METTL16: variants seen among roughly 807,000 people sequenced by gnomAD.
METTL16 encodes the protein methyltransferase 16, RNA N6-adenosine.
Under a neutral mutation model 57.9 loss-of-function variants are expected in METTL16, and 19 were observed. The observed-to-expected ratio is 0.33, with a 90% CI of 0.23 to 0.48. METTL16 has a LOEUF of 0.48. METTL16 is among the 20% of genes least tolerant of loss of function. METTL16 has a pLI of 0.99. For missense variants in METTL16, 434 were observed against 691.5 expected, an observed-to-expected ratio of 0.63 and a Z score of 4.18; for synonymous variants, 246 against 255.6, an observed-to-expected ratio of 0.96 and a Z score of 0.36.
At chr17:2,480,185 C>CAAAAAAAAAA (rs953770502) in intron 2 of METTL16, among the ~76,000 whole-genome samples, 2 of 61,894 alleles carry the variant, frequency 3.2e-5, no homozygotes, top group Non-Finnish European at 3.7e-5. Flanking sequence ...GACTCTGTCT[C>CAAAAAAAAAA]AAAAAAAAAA....
intron 2 of METTL16, among the ~76,000 whole-genome samples, chr17:2,501,264 C>CAAAAAT (rs1391159159): frequency 3.9e-5 from 6 of 152,070 alleles, no homozygotes; most frequent in South Asian, 4.1e-4. Flanking sequence ...CTTGTCTCTA[C>CAAAAAT]AAAAATAAAA....
intron 6 of METTL16, among the ~76,000 whole-genome samples, chr17:2,456,542 A>G (rs1408660681): frequency 6.6e-6 from 1 of 152,166 alleles, no homozygotes; most frequent in East Asian, 1.9e-4. Context: ...TGGTGTGATC[A>G]TGGCTCACTG....
chr17:2,511,871 A>C lies in METTL16; in HGVS notation c.-113T>G, dbSNP rs141812723. ...CTAGAAACGCAGATGATACGCTCCC[A>C]GCGCGCCGCCATCTTGTGAAGCCAT... On this transcript the variant is annotated 5_prime_UTR_variant, in exon 1 of 10. Transcript: ENST00000263092. The C allele has an allele frequency of 2.2e-3, 884 of 398,630 alleles. 3 individuals carry two copies. Among genetic ancestry groups the C allele is most frequent in the Non-Finnish European group, 3.4e-3 (764 of 226,134 alleles). 24.7% of individuals were successfully genotyped at this position (398,630 alleles called of 1,614,324 possible).
At chr17:2,506,450 T>C (rs1044343308) in intron 1 of METTL16, among the ~76,000 whole-genome samples, 8 of 151,654 alleles carry the variant, frequency 5.3e-5, no homozygotes, top group African/African-American at 1.7e-4. Context: ...CACGCCTGAC[T>C]GGTTTTCGTA....
chr17:2,500,222 T>C (rs1274778023), intron 2 of METTL16, among the ~76,000 whole-genome samples: 1 of 152,124 alleles, frequency 6.6e-6, no homozygotes, highest in African/African-American at 2.4e-5. Flanking sequence ...GGGCTTAGAG[T>C]AAAGAAGAGG....
intron 5 of METTL16, among the ~76,000 whole-genome samples, chr17:2,467,286 G>A (rs921928154): frequency 1.3e-5 from 2 of 152,132 alleles, no homozygotes; most frequent in East Asian, 1.9e-4. Context: ...GCTGACGGGC[G>A]GGGGACTGCT....
At chr17:2,474,307 G>A (rs909559554) in intron 3 of METTL16, among the ~76,000 whole-genome samples, 4 of 146,682 alleles carry the variant, frequency 2.7e-5, no homozygotes, top group South Asian at 4.5e-4. Flanking sequence ...GAAAAAATAT[G>A]TAGGGTATAA....
chr17:2,505,132 T>C (rs1476836462), intron 1 of METTL16, among the ~76,000 whole-genome samples: 2 of 152,056 alleles, frequency 1.3e-5, no homozygotes, highest in African/African-American at 2.4e-5. Flanking sequence ...CTCCAGGTAG[T>C]TGGTAATTTA....
intron 2 of METTL16, among the ~76,000 whole-genome samples, chr17:2,484,551 A>G (rs1295409981): frequency 6.6e-6 from 1 of 151,902 alleles, no homozygotes; most frequent in East Asian, 1.9e-4. Context: ...CTGGAGTTCA[A>G]TGGCGCAATA....
At chr17:2,441,229 G>A (rs1165576449) in intron 7 of METTL16, among the ~76,000 whole-genome samples, 2 of 152,264 alleles carry the variant, frequency 1.3e-5, no homozygotes, top group Admixed American at 1.3e-4. Context: ...TTCTAAGTAG[G>A]AGTTAAATAA....
At chr17:2,464,695 A>G (rs1045207690) in intron 5 of METTL16, among the ~76,000 whole-genome samples, 2 of 152,036 alleles carry the variant, frequency 1.3e-5, no homozygotes, top group African/African-American at 4.8e-5. Context: ...TTTTCCTAGC[A>G]TTTTCACGGT....
chr17:2,501,091 T>C (rs987876383), intron 2 of METTL16, among the ~76,000 whole-genome samples: 1 of 152,096 alleles, frequency 6.6e-6, no homozygotes, highest in Non-Finnish European at 1.5e-5. Flanking sequence ...TACTCCACCC[T>C]GGGCAACAGA....
intron 8 of METTL16, among the ~76,000 whole-genome samples, chr17:2,433,138 T>C (rs2066885968): frequency 6.6e-6 from 1 of 152,200 alleles, no homozygotes; most frequent in Non-Finnish European, 1.5e-5. Flanking sequence ...CCAGGTTCTA[T>C]GGGCTGAATG....
In METTL16 at chr17:2,419,263, G is replaced by A; in HGVS notation, c.*707C>T. On this transcript the variant is annotated 3_prime_UTR_variant, in exon 10 of 10. Coordinates refer to ENST00000263092, the MANE Select transcript of METTL16 (RefSeq NM_024086.4). ...AGTAAAACTGCTACAAAATGGTACTGTCAACAGGCTGGAGGTGGGGGTATG... is the reference window on the plus strand; with the variant it reads ...AGTAAAACTGCTACAAAATGGTACTATCAACAGGCTGGAGGTGGGGGTATG... 1 of 174,320 alleles carries A rather than the reference G, an allele frequency of 5.7e-6. No homozygotes were observed. The highest frequency in any genetic ancestry group is 1.6e-4 in the East Asian group (1 of 6,098). The allele number at this position is 174,320 out of a possible 1,614,324, so 10.8% of individuals were successfully genotyped here.
At position 2,419,316 on chromosome 17, in the gene METTL16, C is replaced by G; in HGVS notation, c.*654G>C. ...TGCCTTCTGTGTGCCTCAGTCACAC[C>G]GGGGAGTTTTGCTTACCTAATTCTG... On this transcript the variant is annotated 3_prime_UTR_variant, in exon 10 of 10. Coordinates refer to ENST00000263092, the MANE Select transcript of METTL16 (RefSeq NM_024086.4). 1 of 227,472 alleles carries G rather than the reference C, an allele frequency of 4.4e-6. No individual in the cohort carries two copies. The highest frequency in any genetic ancestry group is 9.0e-6 in the Non-Finnish European group (1 of 111,474). The allele number at this position is 227,472 out of a possible 1,614,324, so 14.1% of individuals were successfully genotyped here.
intron 1 of METTL16, among the ~76,000 whole-genome samples, chr17:2,510,673 T>C (rs1008854277): frequency 6.6e-6 from 1 of 152,108 alleles, no homozygotes; most frequent in Non-Finnish European, 1.5e-5. Flanking sequence ...TCTTTTTTTT[T>C]TCTTCTTGTT....
chr17:2,502,071 G>A lies in METTL16; in HGVS notation c.128+133C>T, dbSNP rs566999136. On this transcript the variant is annotated intron_variant, in intron 2 of 9. Transcript: ENST00000263092. The stretch of plus-strand genomic sequence containing the variant: ...CATTAAAAAGCTGAGACCAAGAGAG[G>A]TTAAGTGATTTGTCCAAGGTCGCAT... The A allele has an allele frequency of 1.1e-4, 94 of 839,724 alleles. No individual in the cohort carries two copies. In the African/African-American group the frequency reaches 1.5e-3, roughly 14 times the overall value. The allele number at this position is 839,724 out of a possible 1,614,324, so 52.0% of individuals were successfully genotyped here. A position where few individuals can be genotyped will look rare whatever the true frequency, so the allele number is the denominator to read the frequency against.
chr17:2,465,575 A>G (rs1309154812), intron 5 of METTL16, among the ~76,000 whole-genome samples: 2 of 146,792 alleles, frequency 1.4e-5, no homozygotes, highest in African/African-American at 5.1e-5. Context: ...AAAAAAAGAC[A>G]GATCAGGCTG....
intron 8 of METTL16, among the ~76,000 whole-genome samples, chr17:2,437,209 C>A (rs552218198): frequency 1.3e-5 from 2 of 152,240 alleles, no homozygotes; most frequent in East Asian, 3.9e-4. Flanking sequence ...ACTTTTTATT[C>A]CAGAAAATGT....
Sources: allele counts gnomAD v4.1 joint callset (sites outside exome capture counted in the v4.1 genomes callset), GRCh38; gene constraint gnomAD v4.1.1; transcripts MANE v1.5; gene names NCBI Gene and HGNC (gene_info 2026-07-23, HGNC 2026-07-21).